Variants in SRP68 observed in about 807,000 individuals in gnomAD.
SRP68 encodes the protein signal recognition particle 68.
In SRP68, 15 loss-of-function variants were observed where a neutral mutation model predicts 82.2. That is an observed-to-expected ratio of 0.18 (90% CI 0.12 to 0.28). The LOEUF is 0.28. Ranked by LOEUF, SRP68 falls within the 10% of genes least tolerant of loss-of-function variation. The probability of loss-of-function intolerance (pLI) is 1.00; values close to 1 mark genes in which losing one functional copy is unlikely to be tolerated. For missense variants in SRP68, 595 were observed against 780.5 expected (o/e 0.76, Z 2.83); for synonymous variants, 261 against 292.6 (o/e 0.89, Z 1.10).
chr17:76,066,881 C>T (rs2066811190), intron 3 of SRP68, among the ~76,000 whole-genome samples: 1 of 151,982 alleles, frequency 6.6e-6, no homozygotes, highest in Non-Finnish European at 1.5e-5. Flanking sequence ...GCGCCTGCCA[C>T]CATGCCCGGG....
chr17:76,054,168 G>T (rs1339803417), intron 8 of SRP68, among the ~76,000 whole-genome samples: 1 of 152,192 alleles, frequency 6.6e-6, no homozygotes, highest in African/African-American at 2.4e-5. Flanking sequence ...AGGTTCTCTC[G>T]TCAGGCTCAG....
At chr17:76,045,675 T>C (rs1329503463) in intron 11 of SRP68, among the ~76,000 whole-genome samples, 1 of 152,182 alleles carries the variant, frequency 6.6e-6, no homozygotes, top group Non-Finnish European at 1.5e-5. Context: ...GCTGAGCTTT[T>C]ATTTTGCTTA....
intron 13 of SRP68, among the ~76,000 whole-genome samples, chr17:76,042,535 T>TAAAAAAA (rs59216233): frequency 7.7e-6 from 1 of 129,848 alleles, no homozygotes. Flanking sequence ...GACTCCATCT[T>TAAAAAAA]AAAAAAAAAA....
At chr17:76,042,281 A>G (rs753498732) in intron 13 of SRP68, among the ~76,000 whole-genome samples, 2 of 152,082 alleles carry the variant, frequency 1.3e-5, no homozygotes, top group Admixed American at 6.6e-5. Flanking sequence ...ACAGCACGCC[A>G]CAAGCTTAAG....
intron 13 of SRP68, among the ~76,000 whole-genome samples, chr17:76,042,034 C>T (rs1192082518): frequency 1.3e-5 from 2 of 152,076 alleles, no homozygotes; most frequent in African/African-American, 2.4e-5. Context: ...CAGGCGCCTG[C>T]CACCATGCCC....
intron 2 of SRP68, among the ~76,000 whole-genome samples, chr17:76,068,470 AAAGAAG>A (rs1164550446): frequency 1.3e-5 from 2 of 151,204 alleles, no homozygotes; most frequent in African/African-American, 2.4e-5. Context: ...AAAAAAAAAA[AAAGAAG>A]AAGAAGAAGA....
intron 6 of SRP68, chr17:76,060,858 C>G: frequency 2.2e-6 from 1 of 450,372 alleles, no homozygotes; most frequent in Non-Finnish European, 3.9e-6. Context: ...ATGAACTCAG[C>G]CGGAGACTCA....
chr17:76,068,455 GA>G lies in SRP68; in HGVS notation c.252-1126del, dbSNP rs113014100. On this transcript the variant is annotated intron_variant, in intron 2 of 15. Transcript: ENST00000307877. ...TAGGCAACAGAGCAAGACTGTGTCT[GA>G]AAAAAAAAAAAAAAAAGAAGAAGAA... 8.0e-3 allele frequency among the ~76,000 whole-genome samples: 926 copies of G among 115,800 alleles called. 4 individuals carry two copies. Among genetic ancestry groups the G allele is most frequent in the African/African-American group, 0.019 (576 of 31,040 alleles). The allele number at this position is 115,800 out of a possible 152,430, so 76.0% of individuals were successfully genotyped here.
At chr17:76,062,700 TG>T (rs2066770652) in intron 4 of SRP68, among the ~76,000 whole-genome samples, 1 of 77,750 alleles carries the variant, frequency 1.3e-5, no homozygotes, top group African/African-American at 7.0e-5. Context: ...CATTATATAT[TG>T]TATATTATAC....
chr17:76,063,687 G>GA lies in SRP68; in HGVS notation c.561+288dup, dbSNP rs59638317. 8.7e-3 allele frequency among the ~76,000 whole-genome samples: 208 copies of GA among 23,802 alleles called. 1 individual carries two copies. The highest frequency in any genetic ancestry group is 0.086 in the African/African-American group (91 of 1,060). The allele number at this position is 23,802 out of a possible 152,430, so 15.6% of individuals were successfully genotyped here. A position where few individuals can be genotyped will look rare whatever the true frequency, so the allele number is the denominator to read the frequency against. The stretch of plus-strand genomic sequence containing the variant: ...TGGGCGACAAAGCAAGACTCTGTCT[G>GA]AAAAAAAAAAAAAAAAAAGTTACAG... On this transcript the variant is annotated intron_variant, in intron 4 of 15. Coordinates refer to ENST00000307877, the MANE Select transcript of SRP68 (RefSeq NM_014230.4).
chr17:76,050,667 T>A, intron 8 of SRP68, 141 bp from the exon 9 acceptor site: 2 of 589,616 alleles, frequency 3.4e-6, no homozygotes, highest in Non-Finnish European at 6.1e-6. Flanking sequence ...TTTTAATTGT[T>A]ACTGTTCTCT....
intron 13 of SRP68, 193 bp downstream of exon 13, chr17:76,043,636 C>T (rs1231867954): frequency 7.2e-6 from 3 of 415,914 alleles, no homozygotes; most frequent in African/African-American, 4.2e-5. Flanking sequence ...TACCTAAATC[C>T]TCCTCAGGCC....
chr17:76,055,120 C>A (rs1314093968), intron 8 of SRP68, among the ~76,000 whole-genome samples: 3 of 151,590 alleles, frequency 2.0e-5, no homozygotes, highest in Non-Finnish European at 2.9e-5. Flanking sequence ...CCACACCCGG[C>A]TAATTTTTTT....
intron 4 of SRP68, among the ~76,000 whole-genome samples, chr17:76,063,721 A>T (rs1052413550): frequency 6.6e-6 from 1 of 152,036 alleles, no homozygotes; most frequent in African/African-American, 2.4e-5. Flanking sequence ...AGCTAGTTAT[A>T]AAAAACCAAG....
At position 76,067,281 on chromosome 17, in the gene SRP68, T is replaced by G; in HGVS notation, c.301A>C (p.Lys101Gln). 1.2e-6 allele frequency: 2 copies of G among 1,613,546 alleles called. No homozygotes were observed. Among genetic ancestry groups the G allele is most frequent in the Non-Finnish European group, 1.7e-6 (2 of 1,179,840 alleles). The change falls in exon 3 of 16, where the codon AAG (lysine) becomes CAG (glutamine). Residue 101 changes from lysine to glutamine, a missense_variant. This residue lies in a region of SRP68 where 495 missense variants were observed against 688.6 expected (regional missense o/e 0.72). Transcript: ENST00000307877. ...GTGAATTTGTGTCTGTTACCCATCTTGAAGTTGAGTGTTTTTCGAAGACGT... is the reference window on the plus strand; with the variant it reads ...GTGAATTTGTGTCTGTTACCCATCTGGAAGTTGAGTGTTTTTCGAAGACGT... ...QRRLRKTLNF[K>Q]MGNRHKFTGK...
chr17:76,050,933 A>C (rs1167061151), intron 8 of SRP68, among the ~76,000 whole-genome samples: 1 of 151,918 alleles, frequency 6.6e-6, no homozygotes, highest in Non-Finnish European at 1.5e-5. Flanking sequence ...AGCACACCAG[A>C]ACTTTCCTTA....
chr17:76,066,654 G>A (rs1400651089), intron 3 of SRP68, among the ~76,000 whole-genome samples: 3 of 142,790 alleles, frequency 2.1e-5, no homozygotes, highest in East Asian at 4.1e-4. Context: ...TAATAGGCAA[G>A]AAGGGAGAAG....
intron 12 of SRP68, 120 bp from the exon 13 acceptor site, chr17:76,044,078 C>G (rs759036712): frequency 1.8e-6 from 2 of 1,087,910 alleles, no homozygotes; most frequent in East Asian, 3.0e-5. Flanking sequence ...GTGGGATCAC[C>G]GCATGGGAGC....
chr17:76,055,894 A>T (rs911750794), intron 8 of SRP68, among the ~76,000 whole-genome samples: 6 of 148,148 alleles, frequency 4.1e-5, no homozygotes, highest in African/African-American at 1.5e-4. Flanking sequence ...TGCAGCCTCA[A>T]GCTCCCGGGC....
Sources: gnomAD v4.1 joint callset for allele counts (sites outside exome capture counted in the v4.1 genomes callset) on GRCh38, gnomAD v4.1.1 for gene constraint, gnomAD v4.1.1 regional missense constraint, MANE v1.5 for transcripts, NCBI Gene and HGNC (gene_info 2026-07-23, HGNC 2026-07-21) for gene names.